Variants in DOCK3 observed in about 807,000 individuals in gnomAD.
DOCK3 encodes dedicator of cytokinesis protein 3.
A neutral mutation model predicts 265.6 loss-of-function variants in DOCK3; 60 were observed. The observed-to-expected ratio is 0.23, with a 90% CI of 0.18 to 0.28. The LOEUF is 0.28. Among genes scored for constraint, DOCK3 ranks in the 10% least tolerant of loss-of-function variants. The probability of loss-of-function intolerance (pLI) is 1.00; values close to 1 mark genes in which losing one functional copy is unlikely to be tolerated. For synonymous variants in DOCK3, 881 were observed against 938.0 expected (o/e 0.94, Z 1.11); for missense variants, 1,981 against 2,594.3 (o/e 0.76, Z 5.14).
At chr3:50,805,660 C>T (rs1366768126) in intron 2 of DOCK3, among the ~76,000 whole-genome samples, 1 of 152,178 alleles carries the variant, frequency 6.6e-6, no homozygotes, top group African/African-American at 2.4e-5. Flanking sequence ...AGGTGCAGCC[C>T]ACAGGGCCTG....
At chr3:51,126,298 CAA>C (rs2084262801) in intron 9 of DOCK3, among the ~76,000 whole-genome samples, 2 of 152,294 alleles carry the variant, frequency 1.3e-5, no homozygotes, top group African/African-American at 2.4e-5. Flanking sequence ...CTACACCAGG[CAA>C]AAGAGTTTTT....
intron 9 of DOCK3, among the ~76,000 whole-genome samples, chr3:51,134,951 G>A (rs530526343): frequency 6.6e-6 from 1 of 152,228 alleles, no homozygotes; most frequent in East Asian, 1.9e-4. Flanking sequence ...TAAAGATCAA[G>A]AGCAATTAGG....
intron 2 of DOCK3, among the ~76,000 whole-genome samples, chr3:50,817,872 A>G (rs1430592365): frequency 1.3e-5 from 2 of 152,262 alleles, no homozygotes; most frequent in East Asian, 3.9e-4. Context: ...TTGATTAGCT[A>G]CCTTGACATT....
At chr3:51,380,341 GGGTGGCCAGAGCCACACTTGAGCTGCA>G in intron 52 of DOCK3, 134 bp downstream of exon 52, 1 of 837,798 alleles carries the variant, frequency 1.2e-6, no homozygotes, top group Non-Finnish European at 1.8e-6. Context: ...CAGAAGCTGG[GGGTGGCCAGAGCCACACTTGAGCTGCA>G]GGTGCACATT....
chr3:51,164,688 C>T (rs899655056), intron 12 of DOCK3, among the ~76,000 whole-genome samples: 1 of 150,536 alleles, frequency 6.6e-6, no homozygotes, highest in Non-Finnish European at 1.5e-5. Context: ...CTTTTTGAGG[C>T]CAGAAATATC....
chr3:51,375,705 T>C (rs2088055886), intron 50 of DOCK3, 43 bp from the exon 51 acceptor site: 19 of 1,608,724 alleles, frequency 1.2e-5, no homozygotes, highest in African/African-American at 2.7e-5. Context: ...CAAGATATAA[T>C]TGGTTGTTTT....
chr3:51,246,487 CAG>C (rs1179673098), intron 21 of DOCK3, among the ~76,000 whole-genome samples: 2 of 152,090 alleles, frequency 1.3e-5, no homozygotes, highest in African/African-American at 2.4e-5. Context: ...AAATGTATGT[CAG>C]AGAGAGTGGG....
At chr3:50,919,531 T>C (rs1427049923) in intron 4 of DOCK3, among the ~76,000 whole-genome samples, 1 of 152,138 alleles carries the variant, frequency 6.6e-6, no homozygotes, top group Non-Finnish European at 1.5e-5. Flanking sequence ...GAATGGGAGT[T>C]CACTCATGAT....
At chr3:51,145,086 G>A (rs1323964573) in intron 9 of DOCK3, among the ~76,000 whole-genome samples, 3 of 152,110 alleles carry the variant, frequency 2.0e-5, no homozygotes, top group East Asian at 1.9e-4. Context: ...CTGAAATTAC[G>A]TATATTATTT....
chr3:50,856,725 T>G (rs751116509), intron 3 of DOCK3, among the ~76,000 whole-genome samples: 1 of 152,112 alleles, frequency 6.6e-6, no homozygotes, highest in Non-Finnish European at 1.5e-5. Context: ...AGTAGTATGT[T>G]GAATAGAGTG....
At chr3:50,854,591 A>ATTTTTTTTTTTTTTTTTTTTTTTTTT in intron 3 of DOCK3, among the ~76,000 whole-genome samples, 1 of 4,320 alleles carries the variant, frequency 2.3e-4, no homozygotes, top group Non-Finnish European at 8.5e-4. Flanking sequence ...CCATCACACC[A>ATTTTTTTTTTTTTTTTTTTTTTTTTT]GTTTTTTTTT....
At chr3:51,336,120 A>T (rs562147207) in intron 35 of DOCK3, among the ~76,000 whole-genome samples, 2 of 152,320 alleles carry the variant, frequency 1.3e-5, no homozygotes, top group African/African-American at 4.8e-5. Flanking sequence ...TTAAACAAAT[A>T]ATCAATAGAT....
chr3:51,043,718 C>T (rs570248515), intron 5 of DOCK3, among the ~76,000 whole-genome samples: 69 of 151,100 alleles, frequency 4.6e-4, no homozygotes, highest in Non-Finnish European at 8.7e-4. Flanking sequence ...CTATAAGGAA[C>T]TTACACAAAT....
intron 9 of DOCK3, among the ~76,000 whole-genome samples, chr3:51,137,409 T>G (rs535251159): frequency 6.6e-6 from 1 of 152,234 alleles, no homozygotes; most frequent in South Asian, 2.1e-4. Context: ...TCCTCTAAAT[T>G]TATTTGAGAA....
intron 4 of DOCK3, among the ~76,000 whole-genome samples, chr3:50,906,500 G>A (rs927488830): frequency 6.6e-6 from 1 of 151,838 alleles, no homozygotes; most frequent in African/African-American, 2.4e-5. Context: ...GGGAGGGTGT[G>A]TGTGTCTAGG....
chr3:51,354,854 A>G lies in DOCK3; in HGVS notation c.4108-28A>G, dbSNP rs754191034. On this transcript the variant is annotated intron_variant, in intron 40 of 52. Transcript: ENST00000266037. ...GTGGGGGGCTACAAGCAAAGCATACATAGAGTGTGCTCTTCTGTTTGTGGC... is the reference window on the plus strand; with the variant it reads ...GTGGGGGGCTACAAGCAAAGCATACGTAGAGTGTGCTCTTCTGTTTGTGGC... The G allele has an allele frequency of 2.4e-5, 39 of 1,610,052 alleles. No homozygotes were observed. The East Asian group carries it at 5.8e-4, about 24-fold the overall frequency.
At chr3:51,057,597 A>G (rs9857727) in intron 5 of DOCK3, among the ~76,000 whole-genome samples, 137,284 of 152,284 alleles carry the variant, frequency 0.9, 62,077 homozygotes, top group African/African-American at 0.95. Context: ...GTTTTGTGGC[A>G]TCAGATCATT....
At position 51,159,371 on chromosome 3, in the gene DOCK3, A is replaced by G. The variant is rs1001382440; in HGVS notation, c.889+67A>G. 5.4e-5 allele frequency: 79 copies of G among 1,462,504 alleles called. 1 individual carries two copies. The African/African-American group carries it at 6.9e-4, about 13-fold the overall frequency. 90.6% of individuals were successfully genotyped at this position (1,462,504 alleles called of 1,614,324 possible). A position where few individuals can be genotyped will look rare whatever the true frequency, so the allele number is the denominator to read the frequency against. On this transcript the variant is annotated intron_variant, in intron 11 of 52. Transcript: ENST00000266037. Reference sequence around the variant, plus strand: ...AACTTGGGATAAGTATGTCTTGTGCATGAGCTTTGTTTTCTCCCTAGATCT... The same window carrying G: ...AACTTGGGATAAGTATGTCTTGTGCGTGAGCTTTGTTTTCTCCCTAGATCT...
At chr3:50,840,131 CAG>C (rs1188674549) in intron 2 of DOCK3, among the ~76,000 whole-genome samples, 1 of 152,006 alleles carries the variant, frequency 6.6e-6, no homozygotes, top group Non-Finnish European at 1.5e-5. Context: ...ATTCCTTTAT[CAG>C]ATATGTCTTT....
Sources: gnomAD v4.1 joint callset for allele counts (sites outside exome capture counted in the v4.1 genomes callset) on GRCh38, gnomAD v4.1.1 for gene constraint, MANE v1.5 for transcripts, NCBI Gene and HGNC (gene_info 2026-07-23, HGNC 2026-07-21) for gene names.